The following HMSD variants were observed in gnomAD, a reference collection of about 807,000 sequenced individuals.
HMSD encodes serpin-like protein HMSD.
Under a neutral mutation model 10.0 loss-of-function variants are expected in HMSD, and 13 were observed. The ratio of observed to expected loss-of-function variants is 1.31; its 90% CI spans 0.85 to 2.08. The LOEUF is 2.08. Ranked by LOEUF, HMSD falls within the 30% of genes most tolerant of loss-of-function variation. The pLI is 0.00. For synonymous variants in HMSD, 51 were observed against 54.2 expected, an observed-to-expected ratio of 0.94 and a Z score of 0.26; for missense variants, 169 against 166.3, an observed-to-expected ratio of 1.02 and a Z score of -0.09.
At position 63,951,926 on chromosome 18, in the gene HMSD, G is replaced by A. The variant is rs2050332503; in HGVS notation, c.-102-1428G>A. ...TGGGAGTAGTGGGAAGACACTGGTT[G>A]ATTTGTGTAACACCATGGAATACTA... On this transcript the variant is annotated intron_variant, in intron 1 of 3. Coordinates refer to ENST00000408945, the MANE Select transcript of HMSD (RefSeq NM_001123366.2). Among the ~76,000 whole-genome samples, 3 of 152,124 alleles carry A rather than the reference G, an allele frequency of 2.0e-5. No homozygotes were observed. In the South Asian group the frequency reaches 6.2e-4, roughly 32 times the overall value.
intron 1 of HMSD, among the ~76,000 whole-genome samples, chr18:63,951,714 A>G (rs2050331567): frequency 6.6e-6 from 1 of 152,238 alleles, no homozygotes; most frequent in African/African-American, 2.4e-5. Flanking sequence ...TAAGGCAAAC[A>G]CTTGGAGAGA....
intron 3 of HMSD, chr18:63,968,346 G>C (rs954826815): frequency 2.0e-5 from 3 of 152,190 alleles, no homozygotes; most frequent in African/African-American, 7.2e-5. Context: ...AGTCCACAAG[G>C]GAACGAAGAA....
rs1279667914 is a variant in HMSD, at chr18:63,949,399, G to C, written c.-104G>C. On this transcript the variant is annotated splice_region_variant and 5_prime_UTR_variant, in exon 1 of 4. Coordinates refer to ENST00000408945, the MANE Select transcript of HMSD (RefSeq NM_001123366.2). ...TCCTGGGCAGCTGCGCGGAGAACTG[G>C]GGTAGGTGTTTGACTTTGGGAGTGG... 6.6e-6 allele frequency: 1 copy of C among 152,474 alleles called. No homozygotes were observed. The highest frequency in any genetic ancestry group is 1.5e-5 in the Non-Finnish European group (1 of 68,228). 9.4% of individuals were successfully genotyped at this position (152,474 alleles called of 1,614,324 possible).
In HMSD at chr18:63,961,119, G is replaced by T. The variant is rs2050384061; in HGVS notation, c.*764G>T. The T allele has an allele frequency of 6.6e-6, 1 of 152,104 alleles. No homozygotes were observed. 9.4% of individuals were successfully genotyped at this position (152,104 alleles called of 1,614,324 possible). A position where few individuals can be genotyped will look rare whatever the true frequency, so the allele number is the denominator to read the frequency against. On this transcript the variant is annotated 3_prime_UTR_variant, in exon 4 of 4. Transcript: ENST00000408945. ...CACACACCTCTTTGCACTGCCTTGTGGATAGTCCAGTCAAGTGGAGTAAGA... is the reference window on the plus strand; with the variant it reads ...CACACACCTCTTTGCACTGCCTTGTTGATAGTCCAGTCAAGTGGAGTAAGA...
At chr18:63,957,967 G>A (rs1568259673) in intron 3 of HMSD, among the ~76,000 whole-genome samples, 1 of 152,072 alleles carries the variant, frequency 6.6e-6, no homozygotes, top group Non-Finnish European at 1.5e-5. Context: ...TTAAAAACAC[G>A]TTTAACAGAT....
chr18:63,953,285 T>C, intron 1 of HMSD, 69 bp from the exon 2 acceptor site: 1 of 563,870 alleles, frequency 1.8e-6, no homozygotes, highest in Non-Finnish European at 3.2e-6. Flanking sequence ...TAGTAATAAA[T>C]AGAGTGAAAA....
chr18:63,953,219 A>C (rs1449994240), intron 1 of HMSD, 135 bp from the exon 2 acceptor site: 2 of 440,112 alleles, frequency 4.5e-6, no homozygotes, highest in African/African-American at 4.0e-5. Flanking sequence ...GAAAAGCCCT[A>C]GTGTAGTTTT....
intron 3 of HMSD, among the ~76,000 whole-genome samples, chr18:63,956,243 G>A (rs2050357449): frequency 6.6e-6 from 1 of 152,090 alleles, no homozygotes; most frequent in Admixed American, 6.6e-5. Context: ...AAACTGAAAA[G>A]TTCTGCAGGG....
At chr18:63,964,710 A>T (rs2050403019), downstream of HMSD, among the ~76,000 whole-genome samples, 1 of 152,148 alleles carries the variant, frequency 6.6e-6, no homozygotes, top group African/African-American at 2.4e-5. Flanking sequence ...CATGGCAGGG[A>T]GAGCAATTTA....
At chr18:63,968,903 G>T (rs1008896687) in intron 3 of HMSD, 6 of 152,158 alleles carry the variant, frequency 3.9e-5, no homozygotes, top group Non-Finnish European at 5.9e-5. Context: ...AGAGTTCTTG[G>T]GAACAGTTAC....
At position 63,952,863 on chromosome 18, in the gene HMSD, T is replaced by C. The variant is rs149318098; in HGVS notation, c.-102-491T>C. On this transcript the variant is annotated intron_variant, in intron 1 of 3. Transcript: ENST00000408945. ...ATTCTAAGTTACATTCTGAAAATATTGGTGTCCCAATTTACATAATCACAT... is the reference window on the plus strand; with the variant it reads ...ATTCTAAGTTACATTCTGAAAATATCGGTGTCCCAATTTACATAATCACAT... 1.6e-3 allele frequency among the ~76,000 whole-genome samples: 238 copies of C among 152,360 alleles called. 3 individuals carry two copies. Among genetic ancestry groups the C allele is most frequent in the African/African-American group, 5.4e-3 (225 of 41,584 alleles).
downstream of HMSD, among the ~76,000 whole-genome samples, chr18:63,963,093 C>A (rs1599113773): frequency 3.9e-5 from 5 of 126,964 alleles, no homozygotes; most frequent in South Asian, 9.4e-4. Context: ...TTCTTTCTTT[C>A]TTTCTTTCTT....
downstream of HMSD, among the ~76,000 whole-genome samples, chr18:63,966,185 C>T (rs1375127441): frequency 6.6e-6 from 1 of 152,216 alleles, no homozygotes; most frequent in Non-Finnish European, 1.5e-5. Flanking sequence ...CAAAAATCCA[C>T]ACCCAAACCA....
At chr18:63,965,938 C>A (rs899449137), downstream of HMSD, among the ~76,000 whole-genome samples, 2 of 152,070 alleles carry the variant, frequency 1.3e-5, no homozygotes, top group African/African-American at 4.8e-5. Flanking sequence ...AGGGAAAGGT[C>A]AAAGGGGATG....
Position 63,961,722 on chromosome 18 carries a change from C to T in HMSD, c.*1367C>T, listed in dbSNP as rs940522079. On this transcript the variant is annotated 3_prime_UTR_variant, in exon 4 of 4. Transcript: ENST00000408945. ...TTGTTACTGCAAAGCCTGCCTTCCACAGCCCCTACTGGTTCACTCTATTCC... is the reference window on the plus strand; with the variant it reads ...TTGTTACTGCAAAGCCTGCCTTCCATAGCCCCTACTGGTTCACTCTATTCC... The T allele has an allele frequency of 2.0e-5, 3 of 152,332 alleles. No individual in the cohort carries two copies. Among genetic ancestry groups the T allele is most frequent in the African/African-American group, 7.2e-5 (3 of 41,480 alleles). The allele number at this position is 152,332 out of a possible 1,614,324, so 9.4% of individuals were successfully genotyped here.
At position 63,954,439 on chromosome 18, in the gene HMSD, A is replaced by C; in HGVS notation, c.104A>C (p.Asp35Ala). 6.2e-7 allele frequency: 1 copy of C among 1,611,120 alleles called. No individual in the cohort carries two copies. Among genetic ancestry groups the C allele is most frequent in the Non-Finnish European group, 8.5e-7 (1 of 1,179,188 alleles). Residue 35 changes from aspartate to alanine, a missense_variant, in exon 3 of 4, where the codon GAT becomes GCT. Asp to Ala is a moderately radical substitution (Grantham distance 126). Coordinates refer to ENST00000408945, the MANE Select transcript of HMSD (RefSeq NM_001123366.2). Reference sequence around the variant, plus strand: ...TGTTTTAGTAAAATCGGAGGTGAAGATGGAGATATTCATCGAGGTTTTCAG... The same window carrying C: ...TGTTTTAGTAAAATCGGAGGTGAAGCTGGAGATATTCATCGAGGTTTTCAG... ...ALCFSKIGGE[D>A]GDIHRGFQSL...
intron 3 of HMSD, among the ~76,000 whole-genome samples, chr18:63,959,908 A>G (rs758206156): frequency 6.6e-6 from 1 of 152,008 alleles, no homozygotes; most frequent in Non-Finnish European, 1.5e-5. Context: ...GTGTACTGCC[A>G]CTCTCATGAA....
Position 63,951,972 on chromosome 18 carries a change from A to T in HMSD, c.-102-1382A>T, listed in dbSNP as rs139142065. 4.6e-4 allele frequency among the ~76,000 whole-genome samples: 70 copies of T among 152,038 alleles called. 1 individual carries two copies. In the East Asian group the frequency reaches 0.013, roughly 27 times the overall value. On this transcript the variant is annotated intron_variant, in intron 1 of 3. Coordinates refer to ENST00000408945, the MANE Select transcript of HMSD (RefSeq NM_001123366.2). ...TACTATGCAGCCATAAAAAATGATG[A>T]GTTCATGTCCTTTGTAGGGACATGG...
rs2050381181 is a variant in HMSD, at chr18:63,960,565, T to A, written c.*210T>A. Reference sequence around the variant, plus strand: ...CACAAATAGCGTTAAAATTTGAATTTAAAAATTTCTAGCTGTCTCCCTCAC... The same window carrying A: ...CACAAATAGCGTTAAAATTTGAATTAAAAAATTTCTAGCTGTCTCCCTCAC... On this transcript the variant is annotated 3_prime_UTR_variant, in exon 4 of 4. Coordinates refer to ENST00000408945, the MANE Select transcript of HMSD (RefSeq NM_001123366.2). 3.1e-6 allele frequency: 2 copies of A among 650,768 alleles called. No homozygotes were observed. Among genetic ancestry groups the A allele is most frequent in the African/African-American group, 1.9e-5 (1 of 53,174 alleles). The allele number at this position is 650,768 out of a possible 1,614,324, so 40.3% of individuals were successfully genotyped here. A position where few individuals can be genotyped will look rare whatever the true frequency, so the allele number is the denominator to read the frequency against.
Sources: allele counts gnomAD v4.1 joint callset (sites outside exome capture counted in the v4.1 genomes callset), GRCh38; gene constraint gnomAD v4.1.1; transcripts MANE v1.5; gene names NCBI Gene and HGNC (gene_info 2026-07-23, HGNC 2026-07-21).